Variants in GSE1 observed in about 807,000 individuals in gnomAD.
GSE1 encodes the protein genetic suppressor element 1.
Under a neutral mutation model 112.6 loss-of-function variants are expected in GSE1, and 32 were observed. The ratio of observed to expected loss-of-function variants is 0.28; its 90% CI spans 0.21 to 0.38. GSE1 has a LOEUF of 0.38. GSE1 is among the 10% of genes least tolerant of loss of function. The pLI, the probability that GSE1 is intolerant of heterozygous loss-of-function variation, is 1.00. For synonymous variants in GSE1, 1,115 were observed against 735.6 expected (o/e 1.52, Z -8.35); for missense variants, 2,348 against 1,699.2 (o/e 1.38, Z -6.71).
chr16:85,252,899 C>T (rs564655428), intron 1 of GSE1, among the ~76,000 whole-genome samples: 7 of 152,296 alleles, frequency 4.6e-5, no homozygotes, highest in African/African-American at 1.4e-4. Flanking sequence ...ACCACAGGCT[C>T]GGCTCCCTTG....
At chr16:85,601,777 C>T (rs1196727651) in intron 1 of GSE1, among the ~76,000 whole-genome samples, 1 of 152,186 alleles carries the variant, frequency 6.6e-6, no homozygotes, top group East Asian at 1.9e-4. Flanking sequence ...GAGCTGAGGC[C>T]CAGGTCTTGA....
chr16:85,327,822 A>T (rs1261097841), intron 1 of GSE1, among the ~76,000 whole-genome samples: 6 of 152,112 alleles, frequency 3.9e-5, no homozygotes, highest in Non-Finnish European at 8.8e-5. Flanking sequence ...TCCCGGGGGG[A>T]GAGTGAATTC....
In GSE1 at chr16:85,475,714, G is replaced by T. The variant is rs2050430894; in HGVS notation, c.2464+118071G>T. On this transcript the variant is annotated intron_variant, in intron 2 of 2. Coordinates refer to the GSE1 transcript ENST00000637419. Reference sequence around the variant, plus strand: ...TCTCCAGAGGGAACTGGAGCATCTTGCTTGTACTGGGAAGAAAGAGGAGGC... The same window carrying T: ...TCTCCAGAGGGAACTGGAGCATCTTTCTTGTACTGGGAAGAAAGAGGAGGC... Among the ~76,000 whole-genome samples, 3 of 151,966 alleles carry T rather than the reference G, an allele frequency of 2.0e-5. No individual in the cohort carries two copies. The South Asian group carries it at 6.2e-4, about 31-fold the overall frequency.
rs1408026259 is a variant in GSE1 at position 85,666,067 on chromosome 16, G to A, written c.2850G>A (p.Gly950=). ...ACATCCCAAAGGCCGCGGAGCCTGG[G>A]AAGCTGGAACAGGTCCGGCCCCAGG... is the stretch of plus-strand genomic sequence containing the variant. The part of the protein sequence containing the change: ...LSDIPKAAEP[G]KLEQVRPQEL... The change falls in exon 13 of 16, where the codon GGG becomes GGA. Residue 950 remains glycine, a synonymous_variant. Coordinates refer to ENST00000253458, the MANE Select transcript of GSE1 (RefSeq NM_014615.5). 6.2e-7 allele frequency: 1 copy of A among 1,613,478 alleles called. No homozygotes were observed. Among genetic ancestry groups the A allele is most frequent in the South Asian group, 1.1e-5 (1 of 91,088 alleles).
chr16:85,625,692 C>T (rs2049021717), intron 1 of GSE1, among the ~76,000 whole-genome samples: 1 of 152,136 alleles, frequency 6.6e-6, no homozygotes, highest in African/African-American at 2.4e-5. Flanking sequence ...CCCGTCACCC[C>T]CATTCACAGC....
chr16:85,654,440 C>G lies in GSE1; in HGVS notation c.589C>G (p.Pro197Ala), dbSNP rs1270641255. Residue 197 changes from proline to alanine, a missense_variant, in exon 4 of 16, where the codon CCG (proline) becomes GCG (alanine). Coordinates refer to ENST00000253458, the MANE Select transcript of GSE1 (RefSeq NM_014615.5). ...PSSVVQDSRF[P>A]PLNLQRPVHH... is the part of the protein sequence containing the mutation. The stretch of plus-strand genomic sequence containing the variant: ...CTCAGTTGTGCAGGATTCCCGCTTC[C>G]CGCCACTCAAGTAAGTTGGTCGGCG... 6.4e-7 allele frequency: 1 copy of G among 1,567,566 alleles called. No individual in the cohort carries two copies. The highest frequency in any genetic ancestry group is 1.4e-5 in the African/African-American group (1 of 73,714).
rs781580362 is a variant in GSE1 at position 85,634,107 on chromosome 16, C to T, written c.201C>T (p.Leu67=). The change falls in exon 2 of 16, where the codon CTC becomes CTT. Residue 67 remains leucine (L), a synonymous_variant. Transcript: ENST00000253458. ...SSSFAAALRK[L]AKQAEEPRGS... ...GCTTTGCCGCCGCGCTGCGCAAGCT[C>T]GCCAAACAGGCGGAGGAGCCCAGAG... The T allele has an allele frequency of 4.7e-5, 73 of 1,565,644 alleles. No homozygotes were observed. Among genetic ancestry groups the T allele is most frequent in the Non-Finnish European group, 5.8e-5 (67 of 1,160,498 alleles).
chr16:85,553,590 C>T (rs953664671), upstream of GSE1, among the ~76,000 whole-genome samples: 7 of 152,160 alleles, frequency 4.6e-5, no homozygotes, highest in Non-Finnish European at 8.8e-5. Flanking sequence ...GCTCCTCGCA[C>T]CCCGGCGGTC....
At chr16:85,288,056 A>G (rs899621407) in intron 1 of GSE1, among the ~76,000 whole-genome samples, 2 of 152,186 alleles carry the variant, frequency 1.3e-5, no homozygotes, top group Non-Finnish European at 2.9e-5. Flanking sequence ...CCTGGCCAAC[A>G]TGATGAAACC....
intron 2 of GSE1, among the ~76,000 whole-genome samples, chr16:85,460,602 G>T (rs2049943805): frequency 6.6e-6 from 1 of 152,242 alleles, no homozygotes; most frequent in African/African-American, 2.4e-5. Flanking sequence ...GGTGAATGAG[G>T]CCTCGGCTGC....
chr16:85,215,180 C>T (rs2075288258), intron 1 of GSE1, among the ~76,000 whole-genome samples: 1 of 152,190 alleles, frequency 6.6e-6, no homozygotes, highest in Admixed American at 6.5e-5. Flanking sequence ...ATCCCTGCTC[C>T]TCAGCTCTGA....
chr16:85,446,512 C>T (rs182006434), intron 2 of GSE1, among the ~76,000 whole-genome samples: 16 of 152,298 alleles, frequency 1.1e-4, no homozygotes, highest in East Asian at 9.7e-4. Flanking sequence ...CAGGAGCCCC[C>T]GGTGGGCCCA....
intron 1 of GSE1, among the ~76,000 whole-genome samples, chr16:85,575,230 C>T (rs1598246305): frequency 6.6e-6 from 1 of 152,218 alleles, no homozygotes; most frequent in South Asian, 2.1e-4. Flanking sequence ...AGGCAGGTGG[C>T]AGCCACCTCT....
chr16:85,271,097 A>G (rs2144180080), intron 1 of GSE1, among the ~76,000 whole-genome samples: 1 of 152,258 alleles, frequency 6.6e-6, no homozygotes, highest in East Asian at 1.9e-4. Flanking sequence ...CAGGGAGGCC[A>G]GAAGTACCGG....
intron 9 of GSE1, among the ~76,000 whole-genome samples, chr16:85,661,983 A>T (rs1240047411): frequency 6.6e-6 from 1 of 152,222 alleles, no homozygotes; most frequent in Non-Finnish European, 1.5e-5. Flanking sequence ...CCTCGATGCA[A>T]ATTGTCCCAA....
chr16:85,611,695 G>T (rs2047994031), upstream of GSE1, among the ~76,000 whole-genome samples: 1 of 152,140 alleles, frequency 6.6e-6, no homozygotes, highest in Non-Finnish European at 1.5e-5. Context: ...CGTGGGGCCT[G>T]AGGGAGCCCG....
At chr16:85,257,135 T>C (rs1188810353) in intron 1 of GSE1, among the ~76,000 whole-genome samples, 1 of 152,168 alleles carries the variant, frequency 6.6e-6, no homozygotes, top group Non-Finnish European at 1.5e-5. Flanking sequence ...TTCATTTTTT[T>C]TGAGACAGGG....
intron 1 of GSE1, among the ~76,000 whole-genome samples, chr16:85,622,559 A>G (rs555436029): frequency 3.9e-4 from 59 of 152,334 alleles, no homozygotes; most frequent in African/African-American, 1.4e-3. Flanking sequence ...CGAACTTGGT[A>G]AAACTGTATG....
At chr16:85,625,012 C>A (rs1230883132) in intron 1 of GSE1, among the ~76,000 whole-genome samples, 1 of 152,170 alleles carries the variant, frequency 6.6e-6, no homozygotes, top group East Asian at 1.9e-4. Flanking sequence ...AAAAGTTGCC[C>A]CCTGGTACCT....
Sources: gnomAD v4.1 joint callset for allele counts (sites outside exome capture counted in the v4.1 genomes callset) on GRCh38, gnomAD v4.1.1 for gene constraint, MANE v1.5 for transcripts, NCBI Gene and HGNC (gene_info 2026-07-23, HGNC 2026-07-21) for gene names.